DOCK3: variants seen among roughly 807,000 people sequenced by gnomAD.
The protein encoded by DOCK3 is dedicator of cytokinesis 3.
DOCK3 carries 60 observed loss-of-function variants against 265.6 expected under a neutral mutation model. The observed-to-expected ratio is 0.23, with a 90% CI of 0.18 to 0.28. DOCK3 has a LOEUF of 0.28. Ranked by LOEUF, DOCK3 falls within the 10% of genes least tolerant of loss-of-function variation. The probability of loss-of-function intolerance (pLI) is 1.00; values close to 1 mark genes in which losing one functional copy is unlikely to be tolerated. For synonymous variants in DOCK3, 881 were observed against 938.0 expected (o/e 0.94, Z 1.11); for missense variants, 1,981 against 2,594.3 (o/e 0.76, Z 5.14).
intron 3 of DOCK3, among the ~76,000 whole-genome samples, chr3:50,861,089 G>T (rs907317702): frequency 1.3e-5 from 2 of 152,282 alleles, no homozygotes; most frequent in East Asian, 1.9e-4. Context: ...ACATCTGTGG[G>T]AGAAGCATGG....
chr3:51,294,181 A>G (rs2109215454), intron 27 of DOCK3, among the ~76,000 whole-genome samples: 1 of 152,338 alleles, frequency 6.6e-6, no homozygotes, highest in Middle Eastern at 3.4e-3. Flanking sequence ...AGAGACATGG[A>G]AAAAACCTAA....
intron 2 of DOCK3, among the ~76,000 whole-genome samples, chr3:50,825,552 C>T (rs2044709775): frequency 6.6e-6 from 1 of 152,116 alleles, no homozygotes; most frequent in African/African-American, 2.4e-5. Flanking sequence ...TAGAGCATCT[C>T]TGGATTGGGA....
chr3:51,194,317 C>T (rs181940746), intron 12 of DOCK3, among the ~76,000 whole-genome samples: 1 of 152,014 alleles, frequency 6.6e-6, no homozygotes, highest in Admixed American at 6.6e-5. Context: ...TGTTTTGTGG[C>T]CTAACATTTG....
chr3:51,030,427 T>A (rs940114435), intron 5 of DOCK3, among the ~76,000 whole-genome samples: 17 of 152,146 alleles, frequency 1.1e-4, no homozygotes, highest in Middle Eastern at 3.2e-3. Context: ...GCTATTTGAG[T>A]AAGGCAGATT....
Position 50,920,703 on chromosome 3 carries a change from C to T in DOCK3, c.219-13278C>T, listed in dbSNP as rs1047613093. 2.6e-5 allele frequency among the ~76,000 whole-genome samples: 4 copies of T among 152,234 alleles called. No homozygotes were observed. In the East Asian group the frequency reaches 7.7e-4, roughly 29 times the overall value. On this transcript the variant is annotated intron_variant, in intron 4 of 52. Transcript: ENST00000266037. ...GTTGATCTTTTCAGAAAACCAGCTC[C>T]TGTATTTATTGATTTTTTGAAGGGT...
At chr3:50,877,734 C>T (rs920540728) in intron 3 of DOCK3, 6 of 334,984 alleles carry the variant, frequency 1.8e-5, no homozygotes, top group East Asian at 8.5e-5. Flanking sequence ...AGTGCAGTGG[C>T]GTGATCTCAG....
intron 5 of DOCK3, among the ~76,000 whole-genome samples, chr3:50,970,986 T>A (rs865826704): frequency 8.7e-5 from 8 of 91,722 alleles, no homozygotes; most frequent in South Asian, 3.6e-4. Flanking sequence ...ATATTTTTTT[T>A]ATTTTAATTT....
At chr3:50,997,547 G>A (rs751432012) in intron 5 of DOCK3, among the ~76,000 whole-genome samples, 2 of 151,906 alleles carry the variant, frequency 1.3e-5, no homozygotes, top group Non-Finnish European at 2.9e-5. Flanking sequence ...TTAAAATAAG[G>A]GTATATTATT....
chr3:51,061,373 A>T (rs941383259), intron 5 of DOCK3, among the ~76,000 whole-genome samples: 1 of 152,124 alleles, frequency 6.6e-6, no homozygotes, highest in South Asian at 2.1e-4. Flanking sequence ...CATTGAATAC[A>T]ATGCAGCCAT....
rs145566805 is a variant in DOCK3, at chr3:51,094,784, A to G, written c.746+4400A>G. Among the ~76,000 whole-genome samples the G allele has an allele frequency of 7.3e-3, 1,105 of 151,416 alleles. 7 individuals are homozygous for G. The highest frequency in any genetic ancestry group is 0.01 in the African/African-American group (425 of 41,320). On this transcript the variant is annotated intron_variant, in intron 9 of 52. Transcript: ENST00000266037. Reference sequence around the variant, plus strand: ...GCATAGATTTTAGATATCTCCCACTATTATTGTGTGGGAGTCTAAGTCTCT... The same window carrying G: ...GCATAGATTTTAGATATCTCCCACTGTTATTGTGTGGGAGTCTAAGTCTCT...
intron 1 of DOCK3, among the ~76,000 whole-genome samples, chr3:50,761,431 G>C (rs929020403): frequency 2.6e-5 from 4 of 152,162 alleles, no homozygotes; most frequent in Non-Finnish European, 4.4e-5. Context: ...CGGAGATTCA[G>C]CTGCTTTGAA....
chr3:50,934,120 T>C (rs775958949), intron 5 of DOCK3, 43 bp downstream of exon 5: 1 of 1,369,836 alleles, frequency 7.3e-7, no homozygotes, highest in Non-Finnish European at 1.0e-6. Flanking sequence ...TAAAGTTTAG[T>C]GTACCAAGTA....
intron 12 of DOCK3, among the ~76,000 whole-genome samples, chr3:51,185,302 CCT>C (rs1455264422): frequency 1.3e-5 from 2 of 152,038 alleles, no homozygotes; most frequent in East Asian, 1.9e-4. Context: ...ATATGTGGGA[CCT>C]CTCTATAATA....
chr3:51,370,270 T>A (rs925736148), intron 49 of DOCK3, among the ~76,000 whole-genome samples: 2 of 152,214 alleles, frequency 1.3e-5, no homozygotes, highest in East Asian at 3.9e-4. Context: ...CTGGTTTTGT[T>A]TTTTTCCCTA....
chr3:51,201,016 T>C (rs926475739), intron 12 of DOCK3, among the ~76,000 whole-genome samples: 1 of 151,878 alleles, frequency 6.6e-6, no homozygotes, highest in Non-Finnish European at 1.5e-5. Flanking sequence ...AAAGAGCTCC[T>C]GAGGGAAGCA....
intron 5 of DOCK3, among the ~76,000 whole-genome samples, chr3:51,042,216 A>T (rs747021168): frequency 1.3e-5 from 2 of 152,206 alleles, no homozygotes; most frequent in South Asian, 4.1e-4. Context: ...CCAGCAGCAC[A>T]TCAAAAAGTG....
chr3:50,963,926 C>T (rs2076957965), intron 5 of DOCK3, among the ~76,000 whole-genome samples: 1 of 152,198 alleles, frequency 6.6e-6, no homozygotes, highest in African/African-American at 2.4e-5. Flanking sequence ...AGAAGGTATC[C>T]TCTGTGTATT....
At chr3:50,935,962 C>T (rs1259007890) in intron 5 of DOCK3, among the ~76,000 whole-genome samples, 2 of 152,202 alleles carry the variant, frequency 1.3e-5, no homozygotes, top group South Asian at 4.2e-4. Flanking sequence ...AATAGAAACT[C>T]AACAGATGCC....
chr3:51,306,549 A>T (rs2082700804), intron 27 of DOCK3, among the ~76,000 whole-genome samples: 1 of 152,040 alleles, frequency 6.6e-6, no homozygotes, highest in African/African-American at 2.4e-5. Flanking sequence ...TATACCCTTA[A>T]TGATGCCCCA....
Sources: gnomAD v4.1 joint callset for allele counts (sites outside exome capture counted in the v4.1 genomes callset) on GRCh38, gnomAD v4.1.1 for gene constraint, MANE v1.5 for transcripts, NCBI Gene and HGNC (gene_info 2026-07-23, HGNC 2026-07-21) for gene names.